SIAH3: variants seen among roughly 807,000 people sequenced by gnomAD.
SIAH3 encodes the protein siah E3 ubiquitin protein ligase family member 3, also known as seven in absentia homolog 3.
A neutral mutation model predicts 12.6 loss-of-function variants in SIAH3; 9 were observed. The observed-to-expected ratio is 0.72, with a 90% CI of 0.43 to 1.25. The LOEUF is 1.25. Ranked by LOEUF, SIAH3 falls within the 50% of genes most tolerant of loss-of-function variation. The pLI, the probability that SIAH3 is intolerant of heterozygous loss-of-function variation, is 0.00. For synonymous variants in SIAH3, 154 were observed against 151.1 expected, an observed-to-expected ratio of 1.02 and a Z score of -0.14; for missense variants, 390 against 365.4, an observed-to-expected ratio of 1.07 and a Z score of -0.55.
At chr13:45,812,451 A>T (rs537536418) in intron 1 of SIAH3, among the ~76,000 whole-genome samples, 2 of 152,158 alleles carry the variant, frequency 1.3e-5, no homozygotes, top group Non-Finnish European at 2.9e-5. Context: ...GAGAGGTTAA[A>T]ATTAGTGCCT....
Position 45,777,815 on chromosome 13 carries a change from G to A in SIAH3, c.*5568C>T, listed in dbSNP as rs539375843. 2.6e-5 allele frequency: 4 copies of A among 152,180 alleles called. No individual in the cohort carries two copies. Among genetic ancestry groups the A allele is most frequent in the Non-Finnish European group, 5.9e-5 (4 of 68,052 alleles). The allele number at this position is 152,180 out of a possible 1,614,324, so 9.4% of individuals were successfully genotyped here. A position where few individuals can be genotyped will look rare whatever the true frequency, so the allele number is the denominator to read the frequency against. ...CCCTTTCCCTTAGAAATGCATCCAA[G>A]TAGAAACTTCAGCAACCCTCACTTC... On this transcript the variant is annotated 3_prime_UTR_variant, in exon 2 of 2. Coordinates refer to ENST00000400405, the MANE Select transcript of SIAH3 (RefSeq NM_198849.3).
intron 1 of SIAH3, among the ~76,000 whole-genome samples, chr13:45,850,602 C>CA (rs1950777132): frequency 6.6e-6 from 1 of 152,126 alleles, no homozygotes; most frequent in Non-Finnish European, 1.5e-5. Context: ...CCTGACTTCC[C>CA]CTCCTCCCTA....
chr13:45,802,231 G>A (rs1269283099), intron 1 of SIAH3, among the ~76,000 whole-genome samples: 8 of 152,262 alleles, frequency 5.3e-5, no homozygotes, highest in East Asian at 3.9e-4. Flanking sequence ...TCTTGAACCC[G>A]GGAGGTGGAT....
intron 1 of SIAH3, among the ~76,000 whole-genome samples, chr13:45,800,365 G>A (rs377404021): frequency 9.2e-5 from 14 of 152,324 alleles, no homozygotes; most frequent in African/African-American, 3.1e-4. Flanking sequence ...CAAACCTAGC[G>A]AAGAGAGACA....
At chr13:45,837,909 C>T (rs955606132) in intron 1 of SIAH3, among the ~76,000 whole-genome samples, 1 of 152,142 alleles carries the variant, frequency 6.6e-6, no homozygotes, top group African/African-American at 2.4e-5. Flanking sequence ...CCTCTGTGGA[C>T]TTTTCTTTTC....
rs1395524427 is a variant in SIAH3, at chr13:45,780,170, TG to T, written c.*3212del. 1 of 152,236 alleles carries T rather than the reference TG, an allele frequency of 6.6e-6. No individual in the cohort carries two copies. Among genetic ancestry groups the T allele is most frequent in the Non-Finnish European group, 1.5e-5 (1 of 68,090 alleles). The allele number at this position is 152,236 out of a possible 1,614,324, so 9.4% of individuals were successfully genotyped here. Reference sequence around the variant, plus strand: ...TCCTGGGACTCTAAGGTGAGAAACCTGGGTGTGGGCAAAGGGATTCAGAAAG... The same window carrying T: ...TCCTGGGACTCTAAGGTGAGAAACCTGGTGTGGGCAAAGGGATTCAGAAAG... On this transcript the variant is annotated 3_prime_UTR_variant, in exon 2 of 2. Coordinates refer to ENST00000400405, the MANE Select transcript of SIAH3 (RefSeq NM_198849.3).
rs1302516264 is a variant in SIAH3, at chr13:45,832,993, G to A, written c.135+18502C>T. Among the ~76,000 whole-genome samples the A allele has an allele frequency of 2.0e-5, 3 of 152,136 alleles. 1 individual carries two copies. Among genetic ancestry groups the A allele is most frequent in the South Asian group, 4.1e-4 (2 of 4,828 alleles). On this transcript the variant is annotated intron_variant, in intron 1 of 1. Transcript: ENST00000400405. The stretch of plus-strand genomic sequence containing the variant: ...GCCTTCTGGGTAGTTGAAAGAATTC[G>A]GGAAATTCTGTTCAGCATCCCTATT...
At chr13:45,846,084 C>CTTTTTTTTTTTTTTTT (rs386379026) in intron 1 of SIAH3, among the ~76,000 whole-genome samples, 1 of 85,704 alleles carries the variant, frequency 1.2e-5, no homozygotes, top group African/African-American at 5.1e-5. Flanking sequence ...GACCTAACTT[C>CTTTTTTTTTTTTTTTT]TTTTTTTTTT....
chr13:45,784,252 G>A (rs1950518200), intron 1 of SIAH3, among the ~76,000 whole-genome samples, 195 bp from the exon 2 acceptor site: 1 of 152,072 alleles, frequency 6.6e-6, no homozygotes, highest in South Asian at 2.1e-4. Context: ...GGGGTGGGGG[G>A]TGTTGAGATT....
chr13:45,810,476 A>G (rs78766061), intron 1 of SIAH3, among the ~76,000 whole-genome samples: 2,214 of 152,284 alleles, frequency 0.015, 47 homozygotes, highest in African/African-American at 0.05. Context: ...GGTGGCTTAC[A>G]TATGGAGGTA....
chr13:45,802,252 G>C (rs1379438205), intron 1 of SIAH3, among the ~76,000 whole-genome samples: 1 of 152,186 alleles, frequency 6.6e-6, no homozygotes, highest in Non-Finnish European at 1.5e-5. Context: ...GCTGCAGTGA[G>C]CCAAGATTGT....
Position 45,783,328 on chromosome 13 carries a change from A to G in SIAH3, c.*55T>C. 2.1e-6 allele frequency: 3 copies of G among 1,432,426 alleles called. No homozygotes were observed. The highest frequency in any genetic ancestry group is 2.9e-6 in the Non-Finnish European group (3 of 1,047,270). The allele number at this position is 1,432,426 out of a possible 1,614,324, so 88.7% of individuals were successfully genotyped here. A position where few individuals can be genotyped will look rare whatever the true frequency, so the allele number is the denominator to read the frequency against. On this transcript the variant is annotated 3_prime_UTR_variant, in exon 2 of 2. Coordinates refer to ENST00000400405, the MANE Select transcript of SIAH3 (RefSeq NM_198849.3). ...AGGAGTCTGGAGTCCTGGTATTGGG[A>G]GGTCCCAGGCGTTTCCTAGGGAGGC...
chr13:45,831,622 C>T (rs1950699578), intron 1 of SIAH3, among the ~76,000 whole-genome samples: 1 of 152,048 alleles, frequency 6.6e-6, no homozygotes, highest in Non-Finnish European at 1.5e-5. Flanking sequence ...GCAGGGACAC[C>T]ATAGAAACAC....
chr13:45,783,393 G>C lies in SIAH3; in HGVS notation c.800C>G (p.Ala267Gly), dbSNP rs781061996. The part of the protein sequence containing the change: ...ITATEVLPSE[A>G]EM ...CCGTGGCTCCTGGCCTCACATTTCAGCTTCTGAGGGGAGGACCTCTGTCGC... is the reference window on the plus strand; with the variant it reads ...CCGTGGCTCCTGGCCTCACATTTCACCTTCTGAGGGGAGGACCTCTGTCGC... The change falls in exon 2 of 2, where the codon GCT (alanine) becomes GGT (glycine). Residue 267 changes from alanine (A) to glycine (G), a missense_variant. Coordinates refer to ENST00000400405, the MANE Select transcript of SIAH3 (RefSeq NM_198849.3). The C allele has an allele frequency of 1.2e-6, 2 of 1,609,032 alleles. No individual in the cohort carries two copies. Among genetic ancestry groups the C allele is most frequent in the East Asian group, 2.2e-5 (1 of 44,750 alleles).
chr13:45,786,731 C>A (rs1193549267), intron 1 of SIAH3, among the ~76,000 whole-genome samples: 1 of 152,148 alleles, frequency 6.6e-6, no homozygotes, highest in Non-Finnish European at 1.5e-5. Flanking sequence ...CTGCCTGTCT[C>A]CATTCTGATC....
At position 45,851,542 on chromosome 13, in the gene SIAH3, C is replaced by A. The variant is rs780697205; in HGVS notation, c.88G>T (p.Ala30Ser). 3 of 1,613,980 alleles carry A rather than the reference C, an allele frequency of 1.9e-6. No individual in the cohort carries two copies. In the African/African-American group the frequency reaches 4.0e-5, roughly 22 times the overall value. ...ACGACACAGACAAGTTGCCCGGCAG[C>A]GGAGAAAACCCGTTTAGCCTTGTAG... ...QHYKAKRVFS[A>S]AGQLVCVVNP... is the part of the protein sequence containing the mutation. Residue 30 changes from alanine (A) to serine (S), a missense_variant, in exon 1 of 2, where the codon GCT becomes TCT. Physicochemically the swap from Ala to Ser is moderately conservative, Grantham distance 99. Transcript: ENST00000400405.
At chr13:45,828,061 A>C (rs919623065) in intron 1 of SIAH3, among the ~76,000 whole-genome samples, 8 of 152,212 alleles carry the variant, frequency 5.3e-5, no homozygotes, top group African/African-American at 1.9e-4. Context: ...GGACTTTGCA[A>C]CTTTCAGCCA....
intron 1 of SIAH3, among the ~76,000 whole-genome samples, chr13:45,790,655 A>G (rs1027197567): frequency 6.6e-6 from 1 of 152,210 alleles, no homozygotes; most frequent in African/African-American, 2.4e-5. Flanking sequence ...TATGCTTGCC[A>G]TATATTCATA....
At chr13:45,840,390 G>T (rs555711091) in intron 1 of SIAH3, among the ~76,000 whole-genome samples, 1 of 152,334 alleles carries the variant, frequency 6.6e-6, no homozygotes, top group South Asian at 2.1e-4. Flanking sequence ...TTATCCTGAG[G>T]ATTTTTTAAA....
Sources: gnomAD v4.1 joint callset for allele counts (sites outside exome capture counted in the v4.1 genomes callset) on GRCh38, gnomAD v4.1.1 for gene constraint, MANE v1.5 for transcripts, NCBI Gene and HGNC (gene_info 2026-07-23, HGNC 2026-07-21) for gene names.